The following PTPRG variants were observed in gnomAD, a reference collection of about 807,000 sequenced individuals.
PTPRG encodes receptor-type tyrosine-protein phosphatase gamma.
In PTPRG, 102 loss-of-function variants were observed where a neutral mutation model predicts 165.3. The observed-to-expected ratio is 0.62, with a 90% CI of 0.53 to 0.73. The LOEUF is 0.73. Ranked by LOEUF, PTPRG falls within the 30% of genes least tolerant of loss-of-function variation. The pLI, the probability that PTPRG is intolerant of heterozygous loss-of-function variation, is 0.00. For synonymous variants in PTPRG, 675 were observed against 669.5 expected, an observed-to-expected ratio of 1.01 and a Z score of -0.13; for missense variants, 1,866 against 1,861.4, an observed-to-expected ratio of 1.00 and a Z score of -0.05.
At chr3:61,821,169 T>C (rs771374355) in intron 2 of PTPRG, among the ~76,000 whole-genome samples, 35 of 148,648 alleles carry the variant, frequency 2.4e-4, no homozygotes, top group Middle Eastern at 3.5e-3. Context: ...TCTGCTCTTC[T>C]TGTTTTCTTT....
chr3:62,168,156 C>T lies in PTPRG; in HGVS notation c.1026C>T (p.Ala342=), dbSNP rs1325879945. The change falls in exon 8 of 30, where the codon GCC becomes GCT. Residue 342 remains alanine (A), a synonymous_variant. Coordinates refer to ENST00000474889, the MANE Select transcript of PTPRG (RefSeq NM_002841.4). The part of the protein sequence containing the change: ...DFLENPLGTE[A]SKVCSSPPIH... ...TAGAAAACCCACTGGGGACAGAAGC[C>T]TCTAAAGGTATATTTGGCTTAAGTG... is the stretch of plus-strand genomic sequence containing the variant. 6.2e-7 allele frequency: 1 copy of T among 1,612,172 alleles called. No individual in the cohort carries two copies. Among genetic ancestry groups the T allele is most frequent in the African/African-American group, 1.3e-5 (1 of 74,792 alleles).
At chr3:62,003,673 C>G (rs1406761571) in intron 4 of PTPRG, among the ~76,000 whole-genome samples, 176 bp downstream of exon 4, 1 of 152,160 alleles carries the variant, frequency 6.6e-6, no homozygotes, top group African/African-American at 2.4e-5. Context: ...TGTTTCTCAC[C>G]TTTGTTTAAC....
chr3:61,647,214 A>G (rs1702222563), intron 1 of PTPRG, among the ~76,000 whole-genome samples: 1 of 152,208 alleles, frequency 6.6e-6, no homozygotes, highest in African/African-American at 2.4e-5. Flanking sequence ...GCACGTGATA[A>G]CTGGAATTGG....
intron 12 of PTPRG, among the ~76,000 whole-genome samples, chr3:62,204,949 A>G (rs1255502743): frequency 1.3e-5 from 2 of 152,202 alleles, no homozygotes; most frequent in Non-Finnish European, 2.9e-5. Context: ...TTGCCAGACT[A>G]CAAGATGTTT....
intron 2 of PTPRG, among the ~76,000 whole-genome samples, chr3:61,967,087 A>G (rs2040288715): frequency 6.6e-6 from 1 of 152,204 alleles, no homozygotes; most frequent in Admixed American, 6.5e-5. Context: ...ACTAATCTGG[A>G]ATGGTGGGCT....
In PTPRG at chr3:62,249,996, C is replaced by T. The variant is rs75869663; in HGVS notation, c.2468-5128C>T. 2.5e-3 allele frequency among the ~76,000 whole-genome samples: 374 copies of T among 152,226 alleles called. 1 individual carries two copies. Among genetic ancestry groups the T allele is most frequent in the African/African-American group, 8.5e-3 (353 of 41,538 alleles). On this transcript the variant is annotated intron_variant, in intron 15 of 29. Coordinates refer to ENST00000474889, the MANE Select transcript of PTPRG (RefSeq NM_002841.4). ...ATTAGATTAATCACAGCACCTAGAA[C>T]ATAGGGTTGTGCATGTAAAGCAAGT...
At chr3:62,121,954 AT>A (rs1703090050) in intron 5 of PTPRG, among the ~76,000 whole-genome samples, 1 of 152,146 alleles carries the variant, frequency 6.6e-6, no homozygotes, top group African/African-American at 2.4e-5. Flanking sequence ...TTGCAATTTA[AT>A]TTTAACCTCT....
At chr3:61,725,516 G>C (rs529529005) in intron 1 of PTPRG, among the ~76,000 whole-genome samples, 4 of 152,066 alleles carry the variant, frequency 2.6e-5, no homozygotes, top group African/African-American at 7.2e-5. Flanking sequence ...TCAGTTGGCC[G>C]TACTCTGTGG....
chr3:61,800,205 T>A (rs575624843), intron 2 of PTPRG, among the ~76,000 whole-genome samples: 5 of 152,190 alleles, frequency 3.3e-5, no homozygotes, highest in Non-Finnish European at 7.3e-5. Context: ...GATATATTAC[T>A]GGTTTTAAGC....
intron 5 of PTPRG, among the ~76,000 whole-genome samples, chr3:62,088,152 A>G (rs1701810784): frequency 6.6e-6 from 1 of 152,168 alleles, no homozygotes; most frequent in Admixed American, 6.5e-5. Flanking sequence ...ATGTCTGGAA[A>G]CACTTTAGGT....
In PTPRG at chr3:62,114,111, C is replaced by T. The variant is rs372382876; in HGVS notation, c.616-18491C>T. 1.5e-3 allele frequency among the ~76,000 whole-genome samples: 227 copies of T among 152,256 alleles called. 3 individuals carry two copies. Among genetic ancestry groups the T allele is most frequent in the South Asian group, 0.011 (55 of 4,826 alleles). ...GTCAGGAGTTCGAGACCAGCCTGGCCAACATGGTGAAACCCCATCTCTACT... is the reference window on the plus strand; with the variant it reads ...GTCAGGAGTTCGAGACCAGCCTGGCTAACATGGTGAAACCCCATCTCTACT... On this transcript the variant is annotated intron_variant, in intron 5 of 29. Transcript: ENST00000474889.
chr3:61,916,287 T>C (rs889769589), intron 2 of PTPRG, among the ~76,000 whole-genome samples: 5 of 152,226 alleles, frequency 3.3e-5, no homozygotes, highest in Non-Finnish European at 7.3e-5. Context: ...AGAGCTACAC[T>C]ATTTAATGAA....
intron 5 of PTPRG, among the ~76,000 whole-genome samples, chr3:62,108,472 C>A (rs181749069): frequency 2.0e-5 from 3 of 152,272 alleles, no homozygotes; most frequent in African/African-American, 4.8e-5. Context: ...GGTTCCAAGT[C>A]TTTGCTATTG....
intron 16 of PTPRG, among the ~76,000 whole-genome samples, chr3:62,261,575 T>C (rs1347678254): frequency 6.6e-6 from 1 of 151,446 alleles, no homozygotes; most frequent in Non-Finnish European, 1.5e-5. Context: ...GAAAGGTGGA[T>C]TGAATTAATG....
At chr3:62,204,285 A>G (rs1356506202) in intron 12 of PTPRG, among the ~76,000 whole-genome samples, 1 of 152,190 alleles carries the variant, frequency 6.6e-6, no homozygotes, top group Non-Finnish European at 1.5e-5. Flanking sequence ...TTCATTCCAT[A>G]TTCATTATAT....
intron 2 of PTPRG, among the ~76,000 whole-genome samples, chr3:61,808,006 G>A (rs2035467167): frequency 6.6e-6 from 1 of 152,112 alleles, no homozygotes; most frequent in Admixed American, 6.5e-5. Flanking sequence ...ATTATTGAAG[G>A]GCAAGCTGCT....
At chr3:61,825,250 A>T (rs2036072923) in intron 2 of PTPRG, among the ~76,000 whole-genome samples, 1 of 152,210 alleles carries the variant, frequency 6.6e-6, no homozygotes, top group Non-Finnish European at 1.5e-5. Context: ...ATTAAGGGAA[A>T]CCCATTGAGC....
At chr3:62,169,768 C>G (rs529192221) in intron 8 of PTPRG, among the ~76,000 whole-genome samples, 2 of 152,130 alleles carry the variant, frequency 1.3e-5, no homozygotes, top group Non-Finnish European at 2.9e-5. Flanking sequence ...TTTATCAACA[C>G]TGGAGGTAGA....
intron 8 of PTPRG, among the ~76,000 whole-genome samples, chr3:62,186,920 A>C (rs1035533724): frequency 6.6e-6 from 1 of 152,206 alleles, no homozygotes; most frequent in Non-Finnish European, 1.5e-5. Flanking sequence ...AGATGCGTCC[A>C]TGAAGAGGAA....
Sources: gnomAD v4.1 joint callset for allele counts (sites outside exome capture counted in the v4.1 genomes callset) on GRCh38, gnomAD v4.1.1 for gene constraint, MANE v1.5 for transcripts, NCBI Gene and HGNC (gene_info 2026-07-23, HGNC 2026-07-21) for gene names.